Variants in KCNN2 observed in about 807,000 individuals in gnomAD.
KCNN2 encodes small conductance calcium-activated potassium channel protein 2.
Under a neutral mutation model 55.5 loss-of-function variants are expected in KCNN2, and 24 were observed. The ratio of observed to expected loss-of-function variants is 0.43; its 90% CI spans 0.31 to 0.61. The LOEUF (loss-of-function observed/expected upper bound fraction) is 0.61. Ranked by LOEUF, KCNN2 falls within the 20% of genes least tolerant of loss-of-function variation. The pLI is 0.08. For synonymous variants in KCNN2, 431 were observed against 336.1 expected, an observed-to-expected ratio of 1.28 and a Z score of -3.09; for missense variants, 754 against 853.6, an observed-to-expected ratio of 0.88 and a Z score of 1.45.
At chr5:114,191,130 A>C (rs1320452049) in intron 1 of KCNN2, among the ~76,000 whole-genome samples, 1 of 152,180 alleles carries the variant, frequency 6.6e-6, no homozygotes, top group Non-Finnish European at 1.5e-5. Context: ...CACACTATAA[A>C]TTGTATGAAT....
Position 114,105,851 on chromosome 5 carries a change from TA to T in KCNN2, c.-271+49355del, listed in dbSNP as rs553868766. ...ATTTAGTTTATTTGTCTGGGTTGGTTAAAAGCAGAATTTGTAATTTCCATCA... is the reference window on the plus strand; with the variant it reads ...ATTTAGTTTATTTGTCTGGGTTGGTTAAAGCAGAATTTGTAATTTCCATCA... On this transcript the variant is annotated intron_variant, in intron 1 of 10. Transcript: ENST00000512097. Among the ~76,000 whole-genome samples the T allele has an allele frequency of 4.7e-3, 711 of 152,118 alleles. 3 individuals are homozygous for T. The highest frequency in any genetic ancestry group is 7.2e-3 in the Non-Finnish European group (489 of 67,920).
chr5:114,459,656 C>T (rs1275339377), intron 3 of KCNN2, among the ~76,000 whole-genome samples: 2 of 152,094 alleles, frequency 1.3e-5, no homozygotes, highest in African/African-American at 4.8e-5. Flanking sequence ...GCAACATAAA[C>T]ATTAGTATGA....
intron 1 of KCNN2, among the ~76,000 whole-genome samples, chr5:114,127,920 A>G (rs184734768): frequency 3.9e-5 from 6 of 152,102 alleles, no homozygotes; most frequent in African/African-American, 1.4e-4. Context: ...CCTTTATTCC[A>G]GTTCCCAACA....
At chr5:114,176,248 A>G (rs1310830581) in intron 1 of KCNN2, among the ~76,000 whole-genome samples, 1 of 152,174 alleles carries the variant, frequency 6.6e-6, no homozygotes, top group African/African-American at 2.4e-5. Context: ...AACTTTGCCA[A>G]ATGTCCCCTG....
At chr5:114,390,808 G>A (rs1758429259) in intron 2 of KCNN2, among the ~76,000 whole-genome samples, 1 of 152,080 alleles carries the variant, frequency 6.6e-6, no homozygotes, top group Admixed American at 6.6e-5. Context: ...ATTTTTAGAG[G>A]CAACTTGCAT....
chr5:114,402,200 C>A (rs1466651100), intron 2 of KCNN2, among the ~76,000 whole-genome samples: 1 of 152,194 alleles, frequency 6.6e-6, no homozygotes, highest in South Asian at 2.1e-4. Flanking sequence ...GGAAAGAGAT[C>A]CTTCTTAGGG....
At chr5:114,459,062 T>A (rs369640066) in intron 3 of KCNN2, among the ~76,000 whole-genome samples, 133 of 152,356 alleles carry the variant, frequency 8.7e-4, no homozygotes, top group South Asian at 6.0e-3. Context: ...AGCTGTCATA[T>A]TTGTAATCTA....
chr5:114,402,831 G>A (rs1052102055), intron 2 of KCNN2, among the ~76,000 whole-genome samples: 7 of 152,204 alleles, frequency 4.6e-5, no homozygotes, highest in African/African-American at 1.4e-4. Context: ...AGTTTACCTG[G>A]ACAGGATCAC....
chr5:114,477,149 A>G (rs181500412), intron 5 of KCNN2, among the ~76,000 whole-genome samples: 1 of 105,146 alleles, frequency 9.5e-6, no homozygotes, highest in East Asian at 4.7e-4. Flanking sequence ...CTAGAAAGAA[A>G]TCATTTTTTC....
chr5:114,104,156 G>A (rs765506080), intron 1 of KCNN2, among the ~76,000 whole-genome samples: 3 of 151,966 alleles, frequency 2.0e-5, no homozygotes, highest in Non-Finnish European at 1.5e-5. Context: ...AGTTTTGGGA[G>A]GGTTTATGTG....
At chr5:114,455,152 G>A (rs1358513294) in intron 3 of KCNN2, among the ~76,000 whole-genome samples, 1 of 152,012 alleles carries the variant, frequency 6.6e-6, no homozygotes, top group Non-Finnish European at 1.5e-5. Context: ...TCACTTTATT[G>A]TGTTTCACAG....
Position 114,404,722 on chromosome 5 carries a change from A to C in KCNN2, c.1503A>C (p.Gly501=). ...CTGATGCCTCCTCTAGAAGCATTGG[A>C]GCACTTAATAAGATAAACTTCAATA... The part of the protein sequence containing the change: ...LFTDASSRSI[G]ALNKINFNTR... The change falls in exon 3 of 8, where the codon GGA becomes GGC. Residue 501 remains glycine, a synonymous_variant. Transcript: ENST00000673685. 1 of 1,614,070 alleles carries C rather than the reference A, an allele frequency of 6.2e-7. No homozygotes were observed. The highest frequency in any genetic ancestry group is 8.5e-7 in the Non-Finnish European group (1 of 1,179,992).
At chr5:114,472,572 A>T (rs1761796584) in intron 4 of KCNN2, among the ~76,000 whole-genome samples, 1 of 151,970 alleles carries the variant, frequency 6.6e-6, no homozygotes, top group African/African-American at 2.4e-5. Context: ...ATATGCTGAG[A>T]TAATTTATTG....
intron 4 of KCNN2, among the ~76,000 whole-genome samples, chr5:114,464,381 G>C (rs1259804829): frequency 6.6e-6 from 1 of 152,160 alleles, no homozygotes; most frequent in East Asian, 1.9e-4. Flanking sequence ...GGATGTGAAC[G>C]AGTACTGCAG....
chr5:114,398,109 T>C (rs1376196521), intron 2 of KCNN2, among the ~76,000 whole-genome samples: 1 of 152,216 alleles, frequency 6.6e-6, no homozygotes, highest in African/African-American at 2.4e-5. Context: ...TTCTAGGTCG[T>C]ATGTCCAGAA....
At chr5:114,252,121 T>A (rs1754877496) in intron 2 of KCNN2, among the ~76,000 whole-genome samples, 1 of 151,958 alleles carries the variant, frequency 6.6e-6, no homozygotes, top group Non-Finnish European at 1.5e-5. Flanking sequence ...CAAGTGATCC[T>A]CCTGCCTCAG....
intron 2 of KCNN2, among the ~76,000 whole-genome samples, chr5:114,340,891 G>A (rs762266484): frequency 5.3e-5 from 8 of 152,226 alleles, no homozygotes; most frequent in Non-Finnish European, 1.2e-4. Context: ...TTCTGTTTAT[G>A]AGTTTGACAT....
At chr5:114,484,849 T>C (rs1762379333) in intron 5 of KCNN2, among the ~76,000 whole-genome samples, 1 of 152,154 alleles carries the variant, frequency 6.6e-6, no homozygotes, top group Non-Finnish European at 1.5e-5. Context: ...TAAAAGCAGC[T>C]GCAGGGATTT....
At chr5:114,300,797 C>T (rs1405594111) in intron 2 of KCNN2, among the ~76,000 whole-genome samples, 4 of 152,114 alleles carry the variant, frequency 2.6e-5, no homozygotes, top group Admixed American at 2.0e-4. Context: ...ATGTAATTCT[C>T]ATCAACTTCA....
Sources: gnomAD v4.1 joint callset for allele counts (sites outside exome capture counted in the v4.1 genomes callset) on GRCh38, gnomAD v4.1.1 for gene constraint, MANE v1.5 for transcripts, NCBI Gene and HGNC (gene_info 2026-07-23, HGNC 2026-07-21) for gene names.